KANK1: variants seen among roughly 807,000 people sequenced by gnomAD.
KANK1 encodes KN motif and ankyrin repeat domains 1.
KANK1 carries 109 observed loss-of-function variants against 106.2 expected under a neutral mutation model. The observed-to-expected ratio is 1.03, with a 90% confidence interval of 0.88 to 1.20. The LOEUF (loss-of-function observed/expected upper bound fraction) is 1.20. KANK1 is among the 50% of genes most tolerant of loss of function. KANK1 has a pLI of 0.00. For synonymous variants in KANK1, 873 were observed against 652.2 expected (o/e 1.34, Z -5.16); for missense variants, 2,399 against 1,710.7 (o/e 1.40, Z -7.10).
At chr9:616,434 C>T (rs1338512510) in intron 1 of KANK1, among the ~76,000 whole-genome samples, 1 of 152,126 alleles carries the variant, frequency 6.6e-6, no homozygotes, top group Non-Finnish European at 1.5e-5. Flanking sequence ...ATTTACGAAA[C>T]CTCTATTTTG....
At chr9:535,994 G>T (rs1439179037) in intron 1 of KANK1, among the ~76,000 whole-genome samples, 2 of 151,996 alleles carry the variant, frequency 1.3e-5, no homozygotes, top group Non-Finnish European at 1.5e-5. Context: ...AGGTACTAAA[G>T]TCTTTTAGTT....
chr9:661,040 G>C (rs1240248042), intron 1 of KANK1, among the ~76,000 whole-genome samples: 2 of 152,140 alleles, frequency 1.3e-5, no homozygotes, highest in Non-Finnish European at 2.9e-5. Context: ...AATGGCAACA[G>C]CTGTCCAATT....
intron 1 of KANK1, among the ~76,000 whole-genome samples, chr9:631,488 C>G (rs79020039): frequency 0.027 from 4,053 of 152,160 alleles, 188 homozygotes; most frequent in African/African-American, 0.093. Context: ...GCCCAGACCT[C>G]CCTCCTAATT....
chr9:490,783 G>A lies in KANK1; in HGVS notation c.-362+17510G>A, dbSNP rs568458175. Among the ~76,000 whole-genome samples the A allele has an allele frequency of 2.2e-4, 33 of 152,278 alleles. 1 individual carries two copies. In the South Asian group the frequency reaches 6.6e-3, roughly 31 times the overall value. On this transcript the variant is annotated intron_variant, in intron 3 of 15. Coordinates refer to the KANK1 transcript ENST00000382303. ...TATTATATACCAGACAGTGTGGTAA[G>A]TGCCAGGGACTATGAGTAAACAGAA... is the stretch of plus-strand genomic sequence containing the variant.
intron 3 of KANK1, among the ~76,000 whole-genome samples, chr9:725,729 A>G (rs1056762174): frequency 3.9e-4 from 60 of 152,130 alleles, no homozygotes; most frequent in African/African-American, 1.4e-3. Flanking sequence ...ATTTTAGCCA[A>G]TGTCACAGGT....
intron 2 of KANK1, chr9:686,925 A>G: frequency 1.0e-6 from 1 of 984,628 alleles, no homozygotes; most frequent in Non-Finnish European, 1.2e-6. Flanking sequence ...TAGAAAGGTA[A>G]AGGGGGCTTA....
At chr9:654,609 C>A (rs1027096905) in intron 1 of KANK1, among the ~76,000 whole-genome samples, 4 of 151,844 alleles carry the variant, frequency 2.6e-5, no homozygotes, top group Non-Finnish European at 5.9e-5. Context: ...CTGCTTTGAC[C>A]CTATGAGCCC....
intron 1 of KANK1, among the ~76,000 whole-genome samples, chr9:520,428 C>G (rs376126868): frequency 6.6e-6 from 1 of 151,668 alleles, no homozygotes; most frequent in East Asian, 1.9e-4. Context: ...CTCGCCTTCA[C>G]TTGGCTGAAG....
intron 1 of KANK1, among the ~76,000 whole-genome samples, chr9:632,078 C>T (rs1235173516): frequency 6.6e-6 from 1 of 152,182 alleles, no homozygotes; most frequent in Non-Finnish European, 1.5e-5. Flanking sequence ...CTTTAACAGT[C>T]ACTTAATAAA....
At chr9:697,948 A>C (rs1205117532) in intron 2 of KANK1, among the ~76,000 whole-genome samples, 1 of 152,128 alleles carries the variant, frequency 6.6e-6, no homozygotes, top group Non-Finnish European at 1.5e-5. Flanking sequence ...CTGCAACAAG[A>C]TCTGTGGTAG....
chr9:726,367 G>A (rs1223932528), intron 3 of KANK1, among the ~76,000 whole-genome samples: 5 of 152,164 alleles, frequency 3.3e-5, no homozygotes, highest in African/African-American at 1.2e-4. Flanking sequence ...GGCCAGGCAC[G>A]GTTGCTCACG....
chr9:665,600 G>A lies in KANK1; in HGVS notation c.-83-11290G>A, dbSNP rs147316189. 4.3e-3 allele frequency among the ~76,000 whole-genome samples: 662 copies of A among 152,268 alleles called. 8 individuals are homozygous for A. Among genetic ancestry groups the A allele is most frequent in the African/African-American group, 0.015 (614 of 41,542 alleles). ...GTAGTATATTTTTAAGTCAAGTAGT[G>A]TGAGGCCTCCAGCTTTGCTCTTTTT... On this transcript the variant is annotated intron_variant, in intron 1 of 11. Coordinates refer to ENST00000382297, the MANE Select transcript of KANK1 (RefSeq NM_015158.5).
rs564780362 is a variant in KANK1 at position 641,905 on chromosome 9, A to G, written c.-83-34985A>G. Among the ~76,000 whole-genome samples the G allele has an allele frequency of 9.2e-5, 14 of 152,300 alleles. No individual in the cohort carries two copies. The South Asian group carries it at 2.5e-3, about 27-fold the overall frequency. ...AGTAAATTAACATAATCGTGTAACC[A>G]TTGGCATAAACAACATTAGAACATT... On this transcript the variant is annotated intron_variant, in intron 1 of 11. Coordinates refer to ENST00000382297, the MANE Select transcript of KANK1 (RefSeq NM_015158.5).
intron 1 of KANK1, among the ~76,000 whole-genome samples, chr9:649,358 G>A (rs2137492110): frequency 6.6e-6 from 1 of 152,120 alleles, no homozygotes; most frequent in South Asian, 2.1e-4. Flanking sequence ...GTCCCAATTT[G>A]GACCTCACCT....
intron 3 of KANK1, chr9:491,979 C>T (rs2132314286): frequency 6.6e-6 from 1 of 152,312 alleles, no homozygotes; most frequent in South Asian, 2.1e-4. Flanking sequence ...GCCTCCACAG[C>T]TACATGGAAC....
chr9:642,916 G>A (rs1838802708), intron 1 of KANK1, among the ~76,000 whole-genome samples: 1 of 150,210 alleles, frequency 6.7e-6, no homozygotes, highest in Admixed American at 6.6e-5. Flanking sequence ...TGGTAAGTAT[G>A]CTTAGCGTTC....
intron 1 of KANK1, among the ~76,000 whole-genome samples, chr9:616,671 A>T (rs1831905523): frequency 1.3e-5 from 2 of 152,180 alleles, no homozygotes; most frequent in South Asian, 4.1e-4. Context: ...CCCAAATCTC[A>T]GTGGCTTTCA....
intron 1 of KANK1, among the ~76,000 whole-genome samples, chr9:614,143 A>G (rs760576472): frequency 1.3e-5 from 2 of 152,140 alleles, no homozygotes; most frequent in African/African-American, 2.4e-5. Flanking sequence ...TTTGTTTCTG[A>G]ACTTTCAGTC....
chr9:678,117 C>G (rs1816772672), intron 2 of KANK1, among the ~76,000 whole-genome samples: 1 of 152,186 alleles, frequency 6.6e-6, no homozygotes, highest in Admixed American at 6.5e-5. Context: ...CACTATAACC[C>G]AAACCCAGAT....
Sources: gnomAD v4.1 joint callset for allele counts (sites outside exome capture counted in the v4.1 genomes callset) on GRCh38, gnomAD v4.1.1 for gene constraint, MANE v1.5 for transcripts, NCBI Gene and HGNC (gene_info 2026-07-23, HGNC 2026-07-21) for gene names.